The following CHRND variants were observed in gnomAD, a reference collection of about 807,000 sequenced individuals.
CHRND encodes cholinergic receptor nicotinic delta subunit.
In CHRND, 40 loss-of-function variants were observed where a neutral mutation model predicts 57.8. The ratio of observed to expected loss-of-function variants is 0.69; its 90% CI spans 0.54 to 0.90. The LOEUF (loss-of-function observed/expected upper bound fraction) is 0.90, where lower values mean the gene tolerates loss of function less well. CHRND is among the 40% of genes least tolerant of loss of function. The pLI, the probability that CHRND is intolerant of heterozygous loss-of-function variation, is 0.00. For missense variants in CHRND, 634 were observed against 673.9 expected (o/e 0.94, Z 0.66); for synonymous variants, 237 against 270.6 (o/e 0.88, Z 1.22).
intron 9 of CHRND, among the ~76,000 whole-genome samples, chr2:232,533,409 T>C (rs770450880): frequency 2.0e-5 from 3 of 152,198 alleles, no homozygotes; most frequent in Non-Finnish European, 4.4e-5. Flanking sequence ...AATTAATCAT[T>C]TTTAGTGAAT....
rs1574627606 is a variant in CHRND at position 232,526,572 on chromosome 2, G to T, written c.96G>T (p.Leu32=). 6.2e-7 allele frequency: 1 copy of T among 1,613,748 alleles called. No individual in the cohort carries two copies. The change falls in exon 2 of 12, where the codon CTG becomes CTT. Residue 32 remains leucine, a synonymous_variant. Coordinates refer to ENST00000258385, the MANE Select transcript of CHRND (RefSeq NM_000751.3). ...AGGAGGAGCGGCTGATCCGGCACCT[G>T]TTTCAAGAGAAGGGCTACAACAAGG... ...LNEEERLIRH[L]FQEKGYNKEL... is the part of the protein sequence containing the mutation.
At chr2:232,530,211 C>A in intron 7 of CHRND, 72 bp downstream of exon 7, 1 of 1,501,160 alleles carries the variant, frequency 6.7e-7, no homozygotes, top group South Asian at 1.1e-5. Flanking sequence ...CCAGCCCTGC[C>A]CCCTCACTTC....
Position 232,528,844 on chromosome 2 carries a change from GC to G in CHRND, c.510-15del. On this transcript the variant is annotated splice_polypyrimidine_tract_variant and intron_variant, in intron 5 of 11. Coordinates refer to ENST00000258385, the MANE Select transcript of CHRND (RefSeq NM_000751.3). Reference sequence around the variant, plus strand: ...AGCCACTGGCCGAGTGTCACTCTCTGCCCATTGCCCTCCCCAGTTCCCTCAA... The same window carrying G: ...AGCCACTGGCCGAGTGTCACTCTCTGCCATTGCCCTCCCCAGTTCCCTCAA... 1 of 1,606,392 alleles carries G rather than the reference GC, an allele frequency of 6.2e-7. No homozygotes were observed. The highest frequency in any genetic ancestry group is 1.1e-5 in the South Asian group (1 of 90,924).
At position 232,527,420 on chromosome 2, in the gene CHRND, T is replaced by C. The variant is rs1691518594; in HGVS notation, c.218T>C (p.Leu73Pro). ...TTACAGAAAGAAGTTGAGGAGACCCTCACTACCAATGTGTGGATAGAGCAC... is the reference window on the plus strand; with the variant it reads ...TTACAGAAAGAAGTTGAGGAGACCCCCACTACCAATGTGTGGATAGAGCAC... The part of the protein sequence containing the change: ...LISLKEVEET[L>P]TTNVWIEHGW... The change falls in exon 3 of 12, where the codon CTC becomes CCC. Residue 73 changes from leucine to proline, a missense_variant. Coordinates refer to ENST00000258385, the MANE Select transcript of CHRND (RefSeq NM_000751.3). The C allele has an allele frequency of 1.2e-6, 2 of 1,613,172 alleles. No individual in the cohort carries two copies. Among genetic ancestry groups the C allele is most frequent in the Admixed American group, 1.7e-5 (1 of 59,964 alleles).
At chr2:232,528,763 T>C in intron 5 of CHRND, 99 bp from the exon 6 acceptor site, 4 of 1,585,650 alleles carry the variant, frequency 2.5e-6, no homozygotes, top group Non-Finnish European at 3.5e-6. Context: ...TCTGGATTAG[T>C]GCTGCCCTCC....
In CHRND at chr2:232,536,518, A is replaced by G. The variant is rs895500105; in HGVS notation, c.*1206A>G. On this transcript the variant is annotated 3_prime_UTR_variant, in exon 12 of 12. Transcript: ENST00000258385. ...GTGGAAGTGGATCCTCTGCCCCAGTAGGGCCTTCGGATGAGATCACAGCCC... is the reference window on the plus strand; with the variant it reads ...GTGGAAGTGGATCCTCTGCCCCAGTGGGGCCTTCGGATGAGATCACAGCCC... The G allele has an allele frequency of 2.2e-6, 1 of 452,410 alleles. No individual in the cohort carries two copies. The highest frequency in any genetic ancestry group is 1.6e-5 in the South Asian group (1 of 64,422). The allele number at this position is 452,410 out of a possible 1,614,324, so 28.0% of individuals were successfully genotyped here. A position where few individuals can be genotyped will look rare whatever the true frequency, so the allele number is the denominator to read the frequency against.
chr2:232,533,534 C>T (rs1168665892), intron 9 of CHRND, among the ~76,000 whole-genome samples: 1 of 152,092 alleles, frequency 6.6e-6, no homozygotes, highest in Non-Finnish European at 1.5e-5. Flanking sequence ...TTTGTGGCAG[C>T]CAGGAATGAA....
chr2:232,533,459 A>C lies in CHRND; in HGVS notation c.1048-472A>C, dbSNP rs563713662. 1.8e-4 allele frequency among the ~76,000 whole-genome samples: 28 copies of C among 152,354 alleles called. No individual in the cohort carries two copies. In the South Asian group the frequency reaches 5.8e-3, roughly 32 times the overall value. On this transcript the variant is annotated intron_variant, in intron 9 of 11. Coordinates refer to ENST00000258385, the MANE Select transcript of CHRND (RefSeq NM_000751.3). ...ACCATGGGTGATGTGGGAGAGCTGG[A>C]AGCAACCTGCATGTGCATCAGTAGG...
At chr2:232,526,386 C>A in intron 1 of CHRND, 119 bp downstream of exon 1, 1 of 1,516,040 alleles carries the variant, frequency 6.6e-7, no homozygotes. Context: ...GGGGGGCCGC[C>A]TTCTGGGGTC....
At chr2:232,526,342 C>A in intron 1 of CHRND, 75 bp downstream of exon 1, 1 of 1,541,334 alleles carries the variant, frequency 6.5e-7, no homozygotes, top group East Asian at 2.3e-5. Flanking sequence ...TGGCTCCTCA[C>A]TCACTCCACT....
Position 232,528,563 on chromosome 2 carries a change from T to C in CHRND, c.416T>C (p.Val139Ala). ...GTGCTTGTCTACCACTACGGCTTCG[T>C]GTACTGGCTGCCACCTGCCATCTTC... The part of the protein sequence containing the change: ...CNVLVYHYGF[V>A]YWLPPAIFRS... Residue 139 changes from valine to alanine, a missense_variant, in exon 5 of 12, where the codon GTG (valine) becomes GCG (alanine). Coordinates refer to ENST00000258385, the MANE Select transcript of CHRND (RefSeq NM_000751.3). The C allele has an allele frequency of 6.2e-7, 1 of 1,614,146 alleles. No individual in the cohort carries two copies. The highest frequency in any genetic ancestry group is 8.5e-7 in the Non-Finnish European group (1 of 1,180,022).
Position 232,527,310 on chromosome 2 carries a change from A to AAGAGAG in CHRND, c.199-72_199-67dup, listed in dbSNP as rs1553573947. On this transcript the variant is annotated intron_variant, in intron 2 of 11. Transcript: ENST00000258385. ...AATTGAGCAAGACCCTGGAAAAAAA[A>AAGAGAG]AGAGAGAGAGAGAGAGAGAGAGAGT... 3.0e-4 allele frequency: 273 copies of AAGAGAG among 914,076 alleles called. 1 individual carries two copies. Among genetic ancestry groups the AAGAGAG allele is most frequent in the South Asian group, 8.3e-4 (59 of 71,166 alleles). The allele number at this position is 914,076 out of a possible 1,614,324, so 56.6% of individuals were successfully genotyped here.
chr2:232,531,288 AAGGTCACAGCTGGACCCTCTAGGACCG>A, intron 7 of CHRND, 37 bp from the exon 8 acceptor site: 11 of 869,762 alleles, frequency 1.3e-5, no homozygotes, highest in South Asian at 1.7e-5. Context: ...CCGGTGCCCC[AAGGTCACAGCTGGACCCTCTAGGACCG>A]GTGCCCCAAG....
chr2:232,529,008 TCAGACACACA>T (rs749879326), intron 6 of CHRND, 37 bp downstream of exon 6: 18 of 1,476,540 alleles, frequency 1.2e-5, no homozygotes, highest in South Asian at 2.3e-5. Context: ...GGCAGGTCCC[TCAGACACACA>T]CAGACACACT....
At chr2:232,531,328 C>A in intron 7 of CHRND, 24 bp from the exon 8 acceptor site, 2 of 1,555,040 alleles carry the variant, frequency 1.3e-6, no homozygotes, top group South Asian at 1.1e-5. Context: ...GCCCCAAGGT[C>A]ACAGCTAAGT....
chr2:232,529,448 G>A (rs75181608), intron 6 of CHRND, among the ~76,000 whole-genome samples: 263 of 152,280 alleles, frequency 1.7e-3, no homozygotes, highest in African/African-American at 6.1e-3. Context: ...CATCAGAAGG[G>A]ACCCTGTCTC....
chr2:232,530,243 C>T, intron 7 of CHRND, 104 bp downstream of exon 7: 1 of 1,242,056 alleles, frequency 8.1e-7, no homozygotes, highest in Non-Finnish European at 1.2e-6. Context: ...CACCTGGGGT[C>T]TCCATTCCTG....
chr2:232,536,132 A>C lies in CHRND; in HGVS notation c.*820A>C, dbSNP rs751960627. 2.0e-5 allele frequency: 9 copies of C among 454,106 alleles called. No individual in the cohort carries two copies. The highest frequency in any genetic ancestry group is 1.4e-4 in the South Asian group (9 of 64,476). The allele number at this position is 454,106 out of a possible 1,614,324, so 28.1% of individuals were successfully genotyped here. ...CCTATCCCAAAGGCAGCCTCCACTC[A>C]ATCTTATCCTGAGGGCCAAAGGCCA... On this transcript the variant is annotated 3_prime_UTR_variant, in exon 12 of 12. Transcript: ENST00000258385.
chr2:232,530,644 C>T (rs1251898979), intron 7 of CHRND, among the ~76,000 whole-genome samples: 2 of 152,198 alleles, frequency 1.3e-5, no homozygotes, highest in African/African-American at 4.8e-5. Flanking sequence ...CCAGCCCCTG[C>T]CCCCGGCAGG....
Sources: allele counts gnomAD v4.1 joint callset (sites outside exome capture counted in the v4.1 genomes callset), GRCh38; gene constraint gnomAD v4.1.1; transcripts MANE v1.5; gene names NCBI Gene and HGNC (gene_info 2026-07-23, HGNC 2026-07-21).